The following HAO1 variants were observed in gnomAD, a reference collection of about 807,000 sequenced individuals.
The protein encoded by HAO1 is 2-Hydroxyacid oxidase 1.
In HAO1, 34 loss-of-function variants were observed where a neutral mutation model predicts 39.7. The ratio of observed to expected loss-of-function variants is 0.86; its 90% CI spans 0.65 to 1.14. The LOEUF (loss-of-function observed/expected upper bound fraction) is 1.14. Among genes scored for constraint, HAO1 ranks in the 50% most tolerant of loss-of-function variants. HAO1 has a pLI of 0.00. For synonymous variants in HAO1, 172 were observed against 173.2 expected (o/e 0.99, Z 0.05); for missense variants, 479 against 464.5 (o/e 1.03, Z -0.29).
intron 2 of HAO1, among the ~76,000 whole-genome samples, chr20:7,922,196 G>T (rs2050336601): frequency 6.6e-6 from 1 of 152,042 alleles, no homozygotes; most frequent in African/African-American, 2.4e-5. Flanking sequence ...ATATATGAAA[G>T]AAGCTCAGTA....
At position 7,934,503 on chromosome 20, in the gene HAO1, GC is replaced by G. The variant is rs2050400705; in HGVS notation, c.269del (p.Gly90AlafsTer6). ...TAMQRMAHVD[G>X]ELATVRACQS... ...TCCTACCTCTCACAGTGGCAAGCTC[GC>G]CGTCCACATGAGCCATGCGCTGCAT... On this transcript the variant is annotated frameshift_variant, in exon 2 of 8. Coordinates refer to ENST00000378789, the MANE Select transcript of HAO1 (RefSeq NM_017545.3). LOFTEE classifies it high-confidence loss of function. The G allele has an allele frequency of 6.2e-7, 1 of 1,610,906 alleles. No individual in the cohort carries two copies. The highest frequency in any genetic ancestry group is 1.7e-5 in the Admixed American group (1 of 59,278).
intron 4 of HAO1, among the ~76,000 whole-genome samples, chr20:7,901,876 G>A (rs985729220): frequency 2.6e-5 from 4 of 152,188 alleles, no homozygotes; most frequent in Non-Finnish European, 5.9e-5. Context: ...TTTGGAAGAT[G>A]TTGATTCCAA....
chr20:7,940,266 TAA>T lies in HAO1; in HGVS notation c.137+18_137+19del. On this transcript the variant is annotated intron_variant, in intron 1 of 7. Transcript: ENST00000378789. ...TTTGTGTAATTTTAAAACATGATTT[TAA>T]AAAATAAATTTTCTTACCTGGAAAA... 1.3e-6 allele frequency: 2 copies of T among 1,582,030 alleles called. No individual in the cohort carries two copies. Among genetic ancestry groups the T allele is most frequent in the Non-Finnish European group, 1.7e-6 (2 of 1,165,740 alleles).
In HAO1 at chr20:7,897,933, G is replaced by T. The variant is rs935690555; in HGVS notation, c.722-2709C>A. ...TGTCTGGAGTGGAAATTCTTTCTTG[G>T]AACTCCATGTAAGAAAATGCAGGAA... On this transcript the variant is annotated intron_variant, in intron 4 of 7. Coordinates refer to ENST00000378789, the MANE Select transcript of HAO1 (RefSeq NM_017545.3). Among the ~76,000 whole-genome samples the T allele has an allele frequency of 1.4e-5, 2 of 144,568 alleles. 1 individual carries two copies. Among genetic ancestry groups the T allele is most frequent in the South Asian group, 4.8e-4 (2 of 4,152 alleles). 94.8% of individuals were successfully genotyped at this position (144,568 alleles called of 152,430 possible).
intron 1 of HAO1, 47 bp downstream of exon 1, chr20:7,940,239 T>G: frequency 6.8e-7 from 1 of 1,471,616 alleles, no homozygotes; most frequent in Non-Finnish European, 9.3e-7. Flanking sequence ...TTTGGTACGG[T>G]CTTTGTGTAA....
chr20:7,925,316 CT>C (rs2050354212), intron 2 of HAO1, among the ~76,000 whole-genome samples: 1 of 152,102 alleles, frequency 6.6e-6, no homozygotes, highest in Non-Finnish European at 1.5e-5. Flanking sequence ...CGTTGCCGTG[CT>C]TTCATCATGG....
At chr20:7,898,513 T>A (rs2050207249) in intron 4 of HAO1, among the ~76,000 whole-genome samples, 1 of 152,198 alleles carries the variant, frequency 6.6e-6, no homozygotes, top group Non-Finnish European at 1.5e-5. Context: ...ACTCAGTCCA[T>A]CATTTTAAAC....
intron 3 of HAO1, among the ~76,000 whole-genome samples, chr20:7,911,699 C>T (rs530771894): frequency 1.3e-5 from 2 of 152,228 alleles, no homozygotes; most frequent in South Asian, 2.1e-4. Flanking sequence ...GACCCTCCCC[C>T]ACACTTGGGC....
intron 1 of HAO1, among the ~76,000 whole-genome samples, chr20:7,937,026 A>G (rs991409314): frequency 4.6e-5 from 7 of 152,290 alleles, no homozygotes; most frequent in Non-Finnish European, 8.8e-5. Context: ...ACTGGCAAAC[A>G]GTTGAACCAA....
At chr20:7,894,198 T>A (rs777767883) in intron 5 of HAO1, among the ~76,000 whole-genome samples, 5 of 152,084 alleles carry the variant, frequency 3.3e-5, no homozygotes, top group Admixed American at 2.6e-4. Flanking sequence ...TGTGTCCCTC[T>A]CCATGGCTTC....
At chr20:7,923,517 C>CTTGTGACT (rs1009465891) in intron 2 of HAO1, among the ~76,000 whole-genome samples, 15 of 152,248 alleles carry the variant, frequency 9.9e-5, no homozygotes, top group Middle Eastern at 3.4e-3. Flanking sequence ...CTAGAGTCTC[C>CTTGTGACT]TTGTGACTTC....
chr20:7,888,185 T>C (rs550300693), intron 5 of HAO1, among the ~76,000 whole-genome samples: 1 of 152,276 alleles, frequency 6.6e-6, no homozygotes, highest in South Asian at 2.1e-4. Flanking sequence ...CACTGTTTTA[T>C]CAAACACTTT....
intron 2 of HAO1, among the ~76,000 whole-genome samples, chr20:7,915,126 A>G (rs1286010450): frequency 6.6e-6 from 1 of 150,626 alleles, no homozygotes; most frequent in Non-Finnish European, 1.5e-5. Context: ...ATCTCAAAAA[A>G]AAATAATATT....
chr20:7,906,608 T>A (rs1196249814), intron 3 of HAO1, among the ~76,000 whole-genome samples: 1 of 152,216 alleles, frequency 6.6e-6, no homozygotes, highest in Non-Finnish European at 1.5e-5. Flanking sequence ...GTGTTCATAT[T>A]CAAACATCTC....
intron 3 of HAO1, among the ~76,000 whole-genome samples, chr20:7,908,028 T>G (rs2050256711): frequency 6.6e-6 from 1 of 152,184 alleles, no homozygotes; most frequent in Non-Finnish European, 1.5e-5. Flanking sequence ...TCTGGCTTAG[T>G]CCCATCTCTT....
intron 2 of HAO1, among the ~76,000 whole-genome samples, chr20:7,928,371 G>T (rs1020774864): frequency 1.3e-5 from 2 of 151,984 alleles, no homozygotes; most frequent in African/African-American, 2.4e-5. Flanking sequence ...TTTTGCATTT[G>T]ATAAAATTTT....
intron 1 of HAO1, among the ~76,000 whole-genome samples, chr20:7,938,977 G>C (rs1175819128): frequency 6.6e-6 from 1 of 152,056 alleles, no homozygotes; most frequent in Admixed American, 6.6e-5. Context: ...ATCTGTCAAG[G>C]GTCTGAAATT....
In HAO1 at chr20:7,883,306, T is replaced by A. The variant is rs1001263460; in HGVS notation, c.*287A>T. 4.7e-6 allele frequency: 2 copies of A among 426,466 alleles called. No homozygotes were observed. The highest frequency in any genetic ancestry group is 7.1e-5 in the Admixed American group (2 of 28,244). 26.4% of individuals were successfully genotyped at this position (426,466 alleles called of 1,614,324 possible). On this transcript the variant is annotated 3_prime_UTR_variant, in exon 8 of 8. Coordinates refer to ENST00000378789, the MANE Select transcript of HAO1 (RefSeq NM_017545.3). ...AATTTTACTAAAGGATACAGCACTT[T>A]AGCCTGCCAGGGGATGACGTTGTCT...
intron 2 of HAO1, among the ~76,000 whole-genome samples, chr20:7,919,428 GAC>G (rs11467510): frequency 0.26 from 39,035 of 151,198 alleles, 6,498 homozygotes; most frequent in East Asian, 0.51. Flanking sequence ...AATTGCATAT[GAC>G]ACACACACAC....
Sources: allele counts gnomAD v4.1 joint callset (sites outside exome capture counted in the v4.1 genomes callset), GRCh38; gene constraint gnomAD v4.1.1; transcripts MANE v1.5; gene names NCBI Gene and HGNC (gene_info 2026-07-23, HGNC 2026-07-21).